The following RASEF variants were observed in gnomAD, a reference collection of about 807,000 sequenced individuals.
RASEF encodes ras and EF-hand domain-containing protein.
RASEF carries 68 observed loss-of-function variants against 90.1 expected under a neutral mutation model. The observed-to-expected ratio is 0.75, with a 90% CI of 0.62 to 0.92. The LOEUF (loss-of-function observed/expected upper bound fraction) is 0.92, where lower values mean the gene tolerates loss of function less well. Among genes scored for constraint, RASEF ranks in the 40% least tolerant of loss-of-function variants. The pLI, the probability that RASEF is intolerant of heterozygous loss-of-function variation, is 0.00. For missense variants in RASEF, 949 were observed against 937.2 expected (o/e 1.01, Z -0.16); for synonymous variants, 331 against 345.2 (o/e 0.96, Z 0.46).
rs541544692 is a variant in RASEF at position 82,980,202 on chromosome 9, T to C, written c.*2475A>G. 4 of 145,160 alleles carry C rather than the reference T, an allele frequency of 2.8e-5. No homozygotes were observed. The highest frequency in any genetic ancestry group is 6.0e-5 in the Non-Finnish European group (4 of 66,358). The allele number at this position is 145,160 out of a possible 1,614,324, so 9.0% of individuals were successfully genotyped here. The stretch of plus-strand genomic sequence containing the variant: ...ACAGGGACAAGGTGAATAACTTCCA[T>C]AGTAATATGCAAATGTATCAAGTCT... On this transcript the variant is annotated 3_prime_UTR_variant, in exon 17 of 17. Coordinates refer to ENST00000376447, the MANE Select transcript of RASEF (RefSeq NM_152573.4).
chr9:83,174,947 T>C, the RASEF span, among the ~76,000 whole-genome samples: 1 of 152,176 alleles, frequency 6.6e-6, no homozygotes, highest in Non-Finnish European at 1.5e-5. Context: ...GAAATACAAC[T>C]AAATTTTATA....
chr9:83,068,593 T>C, the RASEF span, among the ~76,000 whole-genome samples: 1 of 152,216 alleles, frequency 6.6e-6, no homozygotes, highest in Admixed American at 6.5e-5. Context: ...GACTCTGAGC[T>C]TGTGATGAGA....
the RASEF span, among the ~76,000 whole-genome samples, chr9:83,192,037 T>C: frequency 6.6e-6 from 1 of 152,154 alleles, no homozygotes; most frequent in Non-Finnish European, 1.5e-5. Flanking sequence ...ATGGCCATTA[T>C]TGAAAAGTCA....
chr9:83,082,332 A>G, the RASEF span, among the ~76,000 whole-genome samples: 5 of 152,200 alleles, frequency 3.3e-5, no homozygotes, highest in Non-Finnish European at 1.5e-5. Flanking sequence ...GCCCACTACC[A>G]TTGGTATCCC....
chr9:83,200,263 G>T, the RASEF span, among the ~76,000 whole-genome samples: 1 of 151,940 alleles, frequency 6.6e-6, no homozygotes, highest in African/African-American at 2.4e-5. Flanking sequence ...AGGTGTAGTG[G>T]CGGTTGCCTG....
chr9:83,164,373 A>G, the RASEF span, among the ~76,000 whole-genome samples: 3,585 of 141,880 alleles, frequency 0.025, 114 homozygotes, highest in African/African-American at 0.066. Context: ...ATATATATAT[A>G]TGTGTGTGTG....
the RASEF span, among the ~76,000 whole-genome samples, chr9:83,158,642 A>ATATT: frequency 1.4e-5 from 2 of 139,026 alleles, no homozygotes; most frequent in African/African-American, 2.6e-5. Context: ...ATATATGTAT[A>ATATT]TATGTCCAAA....
At chr9:83,004,844 G>A (rs1159021647) in intron 8 of RASEF, among the ~76,000 whole-genome samples, 1 of 152,106 alleles carries the variant, frequency 6.6e-6, no homozygotes, top group Non-Finnish European at 1.5e-5. Flanking sequence ...TTCCATAAAG[G>A]AGTACTATGG....
At chr9:83,066,526 C>A (rs1830283421), upstream of RASEF, among the ~76,000 whole-genome samples, 1 of 152,182 alleles carries the variant, frequency 6.6e-6, no homozygotes, top group Admixed American at 6.5e-5. Context: ...ATTTTAGCAT[C>A]CAGAAACAGC....
At chr9:83,192,374 C>T in the RASEF span, among the ~76,000 whole-genome samples, 1,985 of 152,190 alleles carry the variant, frequency 0.013, 42 homozygotes, top group African/African-American at 0.045. Context: ...ACTATGTAGC[C>T]GTAAAAAGGA....
intron 1 of RASEF, among the ~76,000 whole-genome samples, chr9:83,052,972 T>G (rs1265549407): frequency 7.2e-6 from 1 of 139,152 alleles, no homozygotes; most frequent in Non-Finnish European, 1.5e-5. Flanking sequence ...AAGTATGTGG[T>G]CAATTTTGGA....
the RASEF span, among the ~76,000 whole-genome samples, chr9:83,162,473 T>G: frequency 7.7e-4 from 117 of 152,326 alleles, 4 homozygotes; most frequent in South Asian, 0.023. Flanking sequence ...ACCAAAAATC[T>G]TGTTGGGAAA....
At chr9:83,064,444 T>A (rs1830264522), upstream of RASEF, among the ~76,000 whole-genome samples, 1 of 152,226 alleles carries the variant, frequency 6.6e-6, no homozygotes, top group African/African-American at 2.4e-5. Flanking sequence ...TTATGTGCTT[T>A]CCTGTTTATT....
chr9:83,175,626 G>GAGTTGCA, the RASEF span, among the ~76,000 whole-genome samples: 7 of 151,664 alleles, frequency 4.6e-5, no homozygotes, highest in Admixed American at 4.6e-4. Flanking sequence ...TGTTGCCCAG[G>GAGTTGCA]CTGGAGTGCA....
chr9:83,030,559 A>G (rs868274487), intron 1 of RASEF, among the ~76,000 whole-genome samples: 1 of 152,236 alleles, frequency 6.6e-6, no homozygotes, highest in African/African-American at 2.4e-5. Context: ...AAAATAGTTT[A>G]CAGTGAAGCA....
At chr9:83,121,200 T>C in the RASEF span, among the ~76,000 whole-genome samples, 2 of 152,264 alleles carry the variant, frequency 1.3e-5, no homozygotes, top group South Asian at 4.1e-4. Flanking sequence ...AAGAAAAAAA[T>C]GTTCAAGGCA....
chr9:83,201,377 T>A, the RASEF span: 2 of 152,248 alleles, frequency 1.3e-5, no homozygotes, highest in Non-Finnish European at 2.9e-5. Flanking sequence ...GAAATAATTT[T>A]GAATTATGCC....
chr9:83,205,827 T>A, the RASEF span, among the ~76,000 whole-genome samples: 52 of 152,350 alleles, frequency 3.4e-4, no homozygotes, highest in Non-Finnish European at 5.3e-4. Context: ...AACAAAAGAA[T>A]GGTCAAACCT....
upstream of RASEF, among the ~76,000 whole-genome samples, chr9:83,068,124 G>C (rs1380648747): frequency 3.3e-5 from 5 of 152,136 alleles, no homozygotes; most frequent in East Asian, 9.6e-4. Context: ...CGCCTGACTC[G>C]GCCTTCTGAA....
Sources: allele counts gnomAD v4.1 joint callset (sites outside exome capture counted in the v4.1 genomes callset), GRCh38; gene constraint gnomAD v4.1.1; transcripts MANE v1.5; gene names NCBI Gene and HGNC (gene_info 2026-07-23, HGNC 2026-07-21).